CYP2C19: variants seen among roughly 807,000 people sequenced by gnomAD.
The protein encoded by CYP2C19 is cytochrome P450 family 2 subfamily C member 19.
In CYP2C19, 59 loss-of-function variants were observed where a neutral mutation model predicts 40.9. The ratio of observed to expected loss-of-function variants is 1.44; its 90% CI spans 1.17 to 1.79. CYP2C19 has a LOEUF of 1.79. Ranked by LOEUF, CYP2C19 falls within the 40% of genes most tolerant of loss-of-function variation. The probability of loss-of-function intolerance (pLI) is 0.00; values close to 1 mark genes in which losing one functional copy is unlikely to be tolerated. For missense variants in CYP2C19, 754 were observed against 596.9 expected (o/e 1.26, Z -2.74); for synonymous variants, 253 against 208.7 (o/e 1.21, Z -1.83).
intron 6 of CYP2C19, among the ~76,000 whole-genome samples, chr10:94,823,877 A>G (rs887699795): frequency 2.6e-5 from 4 of 152,186 alleles, no homozygotes; most frequent in African/African-American, 9.6e-5. Flanking sequence ...CTCATATAGG[A>G]CAATGAGAGT....
chr10:94,820,948 G>A (rs908464633), intron 6 of CYP2C19, among the ~76,000 whole-genome samples: 4 of 152,134 alleles, frequency 2.6e-5, no homozygotes, highest in African/African-American at 7.2e-5. Flanking sequence ...GCCGGGCATT[G>A]TGGCACACCA....
chr10:94,846,098 G>A (rs1380655691), intron 7 of CYP2C19, among the ~76,000 whole-genome samples: 1 of 151,952 alleles, frequency 6.6e-6, no homozygotes, highest in Non-Finnish European at 1.5e-5. Flanking sequence ...AATTCTTAAG[G>A]AACATTTTAA....
At chr10:94,843,981 A>G (rs905075203) in intron 7 of CYP2C19, among the ~76,000 whole-genome samples, 8 of 152,228 alleles carry the variant, frequency 5.3e-5, no homozygotes, top group African/African-American at 1.9e-4. Context: ...AGAAATAAGT[A>G]TGCACATAGA....
At chr10:94,797,968 G>A (rs1010803238) in intron 5 of CYP2C19, among the ~76,000 whole-genome samples, 3 of 151,886 alleles carry the variant, frequency 2.0e-5, no homozygotes, top group African/African-American at 7.2e-5. Context: ...TTTTTTTAAA[G>A]GGTTTTTTGT....
At chr10:94,851,808 C>T (rs948444562) in intron 8 of CYP2C19, among the ~76,000 whole-genome samples, 1 of 152,112 alleles carries the variant, frequency 6.6e-6, no homozygotes, top group Admixed American at 6.6e-5. Flanking sequence ...GCCTACAAGG[C>T]CTCATCACTT....
intron 3 of CYP2C19, among the ~76,000 whole-genome samples, chr10:94,777,111 T>C (rs1282509001): frequency 1.3e-5 from 2 of 152,256 alleles, no homozygotes; most frequent in South Asian, 2.1e-4. Context: ...GAAAGACCTC[T>C]TCAAGGAGAG....
chr10:94,806,715 T>C lies in CYP2C19; in HGVS notation c.820-13781T>C, dbSNP rs188989434. ...CCATAAATTTATATTATATAACATA[T>C]ATAAAAGTATATTATTATTGATATA... On this transcript the variant is annotated intron_variant, in intron 5 of 8. Coordinates refer to ENST00000371321, the MANE Select transcript of CYP2C19 (RefSeq NM_000769.4). Among the ~76,000 whole-genome samples the C allele has an allele frequency of 1.6e-3, 236 of 148,440 alleles. 1 individual carries two copies. Among genetic ancestry groups the C allele is most frequent in the Non-Finnish European group, 2.8e-3 (186 of 67,242 alleles).
chr10:94,811,083 T>A (rs987359879), intron 5 of CYP2C19, among the ~76,000 whole-genome samples: 4 of 152,220 alleles, frequency 2.6e-5, no homozygotes, highest in African/African-American at 9.6e-5. Context: ...GTACACTGTG[T>A]CCTTGTTCTC....
Position 94,853,205 on chromosome 10 carries a change from A to G in CYP2C19, c.*291A>G. 2 of 394,476 alleles carry G rather than the reference A, an allele frequency of 5.1e-6. No homozygotes were observed. Among genetic ancestry groups the G allele is most frequent in the South Asian group, 5.7e-5 (2 of 34,932 alleles). The allele number at this position is 394,476 out of a possible 1,614,324, so 24.4% of individuals were successfully genotyped here. On this transcript the variant is annotated 3_prime_UTR_variant, in exon 9 of 9. Transcript: ENST00000371321. ...AGAGAAAGATGATTTGTGTATTATA[A>G]TTCAAAGGCATTTCTTCTCTGCATG...
intron 5 of CYP2C19, among the ~76,000 whole-genome samples, chr10:94,800,403 C>T (rs988471006): frequency 6.6e-6 from 1 of 152,172 alleles, no homozygotes. Flanking sequence ...AGCTTCATCC[C>T]AGAGGGACAC....
intron 6 of CYP2C19, among the ~76,000 whole-genome samples, chr10:94,839,771 C>T: frequency 6.6e-6 from 1 of 152,136 alleles, no homozygotes; most frequent in Non-Finnish European, 1.5e-5. Flanking sequence ...AGGTTTTTTC[C>T]TCAGTCACCT....
chr10:94,839,664 T>A (rs886888037), intron 6 of CYP2C19, among the ~76,000 whole-genome samples: 2 of 152,260 alleles, frequency 1.3e-5, no homozygotes, highest in African/African-American at 4.8e-5. Flanking sequence ...CTTGGCTGAG[T>A]GCAAAGAGTT....
At chr10:94,846,583 C>G (rs1039670908) in intron 7 of CYP2C19, among the ~76,000 whole-genome samples, 4 of 152,110 alleles carry the variant, frequency 2.6e-5, no homozygotes, top group Non-Finnish European at 4.4e-5. Flanking sequence ...TGATCCTTGC[C>G]TGGCCTGATG....
intron 5 of CYP2C19, among the ~76,000 whole-genome samples, chr10:94,784,333 C>A (rs569377199): frequency 5.9e-5 from 9 of 152,128 alleles, no homozygotes; most frequent in African/African-American, 2.2e-4. Flanking sequence ...ACTTTTGGCT[C>A]TTATAGATAA....
chr10:94,802,848 A>T (rs1848785475), intron 5 of CYP2C19, among the ~76,000 whole-genome samples: 1 of 151,988 alleles, frequency 6.6e-6, no homozygotes, highest in Non-Finnish European at 1.5e-5. Flanking sequence ...TATGAAACTT[A>T]GTTTGTCTGG....
chr10:94,782,284 C>A (rs1848489572), intron 5 of CYP2C19, among the ~76,000 whole-genome samples: 1 of 152,020 alleles, frequency 6.6e-6, no homozygotes, highest in Non-Finnish European at 1.5e-5. Flanking sequence ...CCAGTGAGAT[C>A]AGCACAGGAG....
chr10:94,775,058 C>G lies in CYP2C19; in HGVS notation c.169C>G (p.Leu57Val), dbSNP rs771508729. ...IKDVSKSLTNLSKIYGPVFTL... is the reference protein window; with the variant it reads ...IKDVSKSLTNVSKIYGPVFTL... Reference sequence around the variant, plus strand: ...CTGTTAACTGTATCTCCTTTTCTAGCTCTCAAAAATCTATGGCCCTGTGTT... The same window carrying G: ...CTGTTAACTGTATCTCCTTTTCTAGGTCTCAAAAATCTATGGCCCTGTGTT... Residue 57 changes from leucine (L) to valine (V), a missense_variant and splice_region_variant, in exon 2 of 9, where the codon CTC becomes GTC. Leu to Val is a conservative substitution (Grantham distance 32). Coordinates refer to ENST00000371321, the MANE Select transcript of CYP2C19 (RefSeq NM_000769.4). 2 of 1,613,930 alleles carry G rather than the reference C, an allele frequency of 1.2e-6. No individual in the cohort carries two copies. Among genetic ancestry groups the G allele is most frequent in the Non-Finnish European group, 1.7e-6 (2 of 1,179,914 alleles).
intron 6 of CYP2C19, among the ~76,000 whole-genome samples, chr10:94,825,797 C>G (rs1252125504): frequency 7.6e-6 from 1 of 132,304 alleles, no homozygotes; most frequent in Non-Finnish European, 1.6e-5. Context: ...TTAGGTCTAA[C>G]GTTTAAGTCT....
chr10:94,782,960 G>A (rs563905420), intron 5 of CYP2C19, among the ~76,000 whole-genome samples: 1 of 152,140 alleles, frequency 6.6e-6, no homozygotes, highest in East Asian at 1.9e-4. Context: ...GGCCTGTCAA[G>A]GGGTGGAGGG....
Sources: allele counts gnomAD v4.1 joint callset (sites outside exome capture counted in the v4.1 genomes callset), GRCh38; gene constraint gnomAD v4.1.1; transcripts MANE v1.5; gene names NCBI Gene and HGNC (gene_info 2026-07-23, HGNC 2026-07-21).